The following PPP2R1B variants were observed in gnomAD, a reference collection of about 807,000 sequenced individuals.
PPP2R1B encodes protein phosphatase 2 scaffold subunit Abeta, also known as serine/threonine-protein phosphatase 2A 65 kDa regulatory subunit A beta isoform.
A neutral mutation model predicts 72.7 loss-of-function variants in PPP2R1B; 58 were observed. That is an observed-to-expected ratio of 0.80 (90% CI 0.65 to 0.99). The LOEUF is 0.99. Ranked by LOEUF, PPP2R1B falls within the 50% of genes least tolerant of loss-of-function variation. The pLI is 0.00. For missense variants in PPP2R1B, 695 were observed against 733.6 expected (o/e 0.95, Z 0.61); for synonymous variants, 256 against 264.6 (o/e 0.97, Z 0.32).
chr11:111,702,058 A>G, the PPP2R1B span, among the ~76,000 whole-genome samples: 12 of 152,316 alleles, frequency 7.9e-5, no homozygotes, highest in African/African-American at 2.9e-4. Flanking sequence ...CATTTTGGTT[A>G]TCATTCTTAA....
intron 15 of PPP2R1B, among the ~76,000 whole-genome samples, chr11:111,732,127 C>T (rs2136011008): frequency 6.6e-6 from 1 of 152,366 alleles, no homozygotes; most frequent in South Asian, 2.1e-4. Context: ...GCCTGCACTT[C>T]CCAAGTTCTC....
intron 8 of PPP2R1B, among the ~76,000 whole-genome samples, chr11:111,753,920 A>C (rs561816326): frequency 6.6e-6 from 1 of 150,788 alleles, no homozygotes; most frequent in East Asian, 1.9e-4. Context: ...CGCCTGGCCT[A>C]ATTTTTTTTT....
chr11:111,706,132 G>A, the PPP2R1B span, among the ~76,000 whole-genome samples: 2 of 152,162 alleles, frequency 1.3e-5, no homozygotes, highest in African/African-American at 4.8e-5. Context: ...GTGTAATGGG[G>A]ATAATAATAG....
downstream of PPP2R1B, chr11:111,724,033 C>T (rs76044278): frequency 6.9e-4 from 1,110 of 1,614,192 alleles, 10 homozygotes; most frequent in Admixed American, 0.01. Flanking sequence ...CCTCCAGCTA[C>T]GACCCACTAG....
exon 16 of PPP2R1B, chr11:111,727,013 G>C: frequency 3.7e-6 from 6 of 1,614,116 alleles, no homozygotes; most frequent in Non-Finnish European, 5.1e-6. Context: ...TTCCCAGCTG[G>C]GCAAGTGTGT....
chr11:111,737,925 G>C lies in PPP2R1B; in HGVS notation c.*3671C>G. 1 of 1,049,470 alleles carries C rather than the reference G, an allele frequency of 9.5e-7. No individual in the cohort carries two copies. Among genetic ancestry groups the C allele is most frequent in the Non-Finnish European group, 1.2e-6 (1 of 868,754 alleles). The allele number at this position is 1,049,470 out of a possible 1,614,324, so 65.0% of individuals were successfully genotyped here. On this transcript the variant is annotated 3_prime_UTR_variant, in exon 15 of 15. Transcript: ENST00000527614. Reference sequence around the variant, plus strand: ...GAGAACAACTCTGGAGACAGAAATGGCTTGGCTTTCCGACGCAATGAGTAA... The same window carrying C: ...GAGAACAACTCTGGAGACAGAAATGCCTTGGCTTTCCGACGCAATGAGTAA...
Position 111,738,661 on chromosome 11 carries a change from G to T in PPP2R1B, c.*2935C>A, listed in dbSNP as rs868346254. 15 of 985,276 alleles carry T rather than the reference G, an allele frequency of 1.5e-5. No homozygotes were observed. Among genetic ancestry groups the T allele is most frequent in the Non-Finnish European group, 1.8e-5 (15 of 829,952 alleles). The allele number at this position is 985,276 out of a possible 1,614,324, so 61.0% of individuals were successfully genotyped here. A position where few individuals can be genotyped will look rare whatever the true frequency, so the allele number is the denominator to read the frequency against. ...TATTTCTGTGAGCTGAGGGCAGCCCGTTATTTCAACAAGACCTCGTTAGAA... is the reference window on the plus strand; with the variant it reads ...TATTTCTGTGAGCTGAGGGCAGCCCTTTATTTCAACAAGACCTCGTTAGAA... On this transcript the variant is annotated 3_prime_UTR_variant, in exon 15 of 15. Coordinates refer to ENST00000527614, the MANE Select transcript of PPP2R1B (RefSeq NM_002716.5).
chr11:111,737,914 A>C lies in PPP2R1B; in HGVS notation c.*3682T>G. ...TATCAGTTTAAGAGAACAACTCTGG[A>C]GACAGAAATGGCTTGGCTTTCCGAC... On this transcript the variant is annotated 3_prime_UTR_variant, in exon 15 of 15. Transcript: ENST00000527614. The C allele has an allele frequency of 9.4e-7, 1 of 1,059,482 alleles. No individual in the cohort carries two copies. The highest frequency in any genetic ancestry group is 4.7e-5 in the Admixed American group (1 of 21,194). The allele number at this position is 1,059,482 out of a possible 1,614,324, so 65.6% of individuals were successfully genotyped here. A position where few individuals can be genotyped will look rare whatever the true frequency, so the allele number is the denominator to read the frequency against.
At chr11:111,719,746 C>G in the PPP2R1B span, 4 of 1,597,016 alleles carry the variant, frequency 2.5e-6, no homozygotes, top group Non-Finnish European at 3.4e-6. Flanking sequence ...AGTGCAGAAA[C>G]TGAGTTTCCT....
At chr11:111,730,584 TTC>T (rs1179461360) in intron 15 of PPP2R1B, 1 of 152,214 alleles carries the variant, frequency 6.6e-6, no homozygotes, top group Non-Finnish European at 1.5e-5. Context: ...TAGTTATATT[TTC>T]TGTGTGCTTT....
the PPP2R1B span, chr11:111,703,197 C>A: frequency 6.2e-7 from 1 of 1,613,562 alleles, no homozygotes; most frequent in South Asian, 1.1e-5. Context: ...ATTGTGTTTT[C>A]TATAGATTGC....
downstream of PPP2R1B, chr11:111,722,778 A>G: frequency 6.2e-7 from 1 of 1,607,354 alleles, no homozygotes. This position sits in a 1 kb window ranked among gnomAD's most constrained non-coding sequence, Gnocchi z 4.4. Flanking sequence ...ACTTTGGCCA[A>G]AGAAGTTGCT....
Position 111,741,594 on chromosome 11 carries a change from C to T in PPP2R1B, c.*2G>A, listed in dbSNP as rs1463278839. 6.2e-7 allele frequency: 1 copy of T among 1,613,330 alleles called. No individual in the cohort carries two copies. The stretch of plus-strand genomic sequence containing the variant: ...TAAAGGCCTTTTCCCTCCTGCTCCT[C>T]ATTATGCCAATGCAAGAACTGGAAA... On this transcript the variant is annotated 3_prime_UTR_variant, in exon 15 of 15. Transcript: ENST00000527614.
At chr11:111,694,427 C>T in the PPP2R1B span, among the ~76,000 whole-genome samples, 2 of 151,966 alleles carry the variant, frequency 1.3e-5, no homozygotes, top group Admixed American at 1.3e-4. Flanking sequence ...GTCTTTAGCC[C>T]AAGAGGAATG....
At position 111,752,233 on chromosome 11, in the gene PPP2R1B, C is replaced by T. The variant is rs1237998054; in HGVS notation, c.1264G>A (p.Glu422Lys). ...CTCCATTTGGCATCTTCTGCCAGCT[C>T]CACTATGGCAGGAAGGAGAGACTGA... is the stretch of plus-strand genomic sequence containing the variant. ...LSQSLLPAIV[E>K]LAEDAKWRVR... Residue 422 changes from glutamate to lysine, a missense_variant, in exon 10 of 15, where the codon GAG (glutamate) becomes AAG (lysine). Physicochemically the swap from Glu to Lys is moderately conservative, Grantham distance 56 (BLOSUM62 1). Transcript: ENST00000527614. 3.7e-6 allele frequency: 6 copies of T among 1,613,966 alleles called. No individual in the cohort carries two copies. Among genetic ancestry groups the T allele is most frequent in the Non-Finnish European group, 5.1e-6 (6 of 1,179,984 alleles).
downstream of PPP2R1B, chr11:111,723,773 C>T (rs1281268201): frequency 4.3e-6 from 7 of 1,613,884 alleles, no homozygotes; most frequent in African/African-American, 1.3e-5. Flanking sequence ...TTCCGGTCCC[C>T]GGGCTGCTCC....
downstream of PPP2R1B, chr11:111,725,878 A>G (rs1054948880): frequency 6.6e-6 from 1 of 152,354 alleles, no homozygotes; most frequent in East Asian, 1.9e-4. Context: ...CACTGTGCTC[A>G]CGGTTGGACT....
At chr11:111,722,312 G>A (rs1166039198), downstream of PPP2R1B, among the ~76,000 whole-genome samples, 1 of 152,190 alleles carries the variant, frequency 6.6e-6, no homozygotes, top group African/African-American at 2.4e-5. The surrounding 1 kb of genome is among the most constrained non-coding windows in gnomAD (Gnocchi z 4.4). Flanking sequence ...ATCTTAAAAA[G>A]CGATAAAGCA....
chr11:111,724,602 C>A (rs1943912131), downstream of PPP2R1B: 1 of 160,644 alleles, frequency 6.2e-6, no homozygotes, highest in South Asian at 1.8e-4. Context: ...ATCAGGAAAT[C>A]AGATGCACAG....
Sources: allele counts gnomAD v4.1 joint callset (sites outside exome capture counted in the v4.1 genomes callset), GRCh38; gene constraint gnomAD v4.1.1; non-coding constraint Gnocchi (gnomAD v3.1); transcripts MANE v1.5; gene names NCBI Gene and HGNC (gene_info 2026-07-23, HGNC 2026-07-21).